Variants in RSPO3 observed in about 807,000 individuals in gnomAD.
RSPO3 encodes the protein R-spondin-3.
A neutral mutation model predicts 36.5 loss-of-function variants in RSPO3; 17 were observed. The observed-to-expected ratio is 0.47, with a 90% CI of 0.32 to 0.70. The LOEUF (loss-of-function observed/expected upper bound fraction) is 0.70, where lower values mean the gene tolerates loss of function less well. RSPO3 is among the 30% of genes least tolerant of loss of function. The pLI is 0.04. For synonymous variants in RSPO3, 108 were observed against 107.0 expected, an observed-to-expected ratio of 1.01 and a Z score of -0.06; for missense variants, 294 against 322.5, an observed-to-expected ratio of 0.91 and a Z score of 0.68.
intron 1 of RSPO3, among the ~76,000 whole-genome samples, chr6:127,124,776 C>A (rs1029051550): frequency 6.6e-6 from 1 of 152,026 alleles, no homozygotes; most frequent in Non-Finnish European, 1.5e-5. Flanking sequence ...TTCTTCAATT[C>A]TGCCCATCAG....
intron 4 of RSPO3, among the ~76,000 whole-genome samples, chr6:127,161,569 ATACT>A (rs1774712055): frequency 6.6e-6 from 1 of 152,138 alleles, no homozygotes; most frequent in Admixed American, 6.6e-5. Flanking sequence ...ACAGTGGGAA[ATACT>A]TAATTGTTAT....
rs1367630724 is a variant in RSPO3 at position 127,197,219 on chromosome 6, T to A, written c.*1212T>A. ...CCACCTTTATCTGAGCCAATGGAGA[T>A]TTACTTATAGCGTATTAGGAGATAT... On this transcript the variant is annotated 3_prime_UTR_variant, in exon 5 of 5. Coordinates refer to ENST00000356698, the MANE Select transcript of RSPO3 (RefSeq NM_032784.5). The A allele has an allele frequency of 3.6e-6, 2 of 561,648 alleles. No homozygotes were observed. Among genetic ancestry groups the A allele is most frequent in the African/African-American group, 3.8e-5 (2 of 53,156 alleles). 34.8% of individuals were successfully genotyped at this position (561,648 alleles called of 1,614,324 possible).
In RSPO3 at chr6:127,158,319, A is replaced by G. The variant is rs1360091661; in HGVS notation, c.634+2881A>G. Among the ~76,000 whole-genome samples the G allele has an allele frequency of 2.6e-5, 4 of 152,222 alleles. No homozygotes were observed. The South Asian group carries it at 6.2e-4, about 24-fold the overall frequency. On this transcript the variant is annotated intron_variant, in intron 4 of 4. Coordinates refer to ENST00000356698, the MANE Select transcript of RSPO3 (RefSeq NM_032784.5). ...TGCTCCCAGATGTTTATGGATTAAT[A>G]AAATAAGAAGATTCCTTTAGGTTCA...
At chr6:127,188,472 T>G (rs1775341695) in intron 4 of RSPO3, among the ~76,000 whole-genome samples, 1 of 151,832 alleles carries the variant, frequency 6.6e-6, no homozygotes. Context: ...TAGTATTAAG[T>G]ATAACAAAAT....
At chr6:127,157,620 A>C (rs902146254) in intron 4 of RSPO3, among the ~76,000 whole-genome samples, 1 of 152,102 alleles carries the variant, frequency 6.6e-6, no homozygotes, top group African/African-American at 2.4e-5. Context: ...TTACAAAGAG[A>C]AGTTTATACA....
chr6:127,190,526 T>C (rs991774996), intron 4 of RSPO3, among the ~76,000 whole-genome samples: 2 of 152,122 alleles, frequency 1.3e-5, no homozygotes, highest in African/African-American at 2.4e-5. Context: ...AATAATAAGA[T>C]CAACCCCTTT....
intron 1 of RSPO3, among the ~76,000 whole-genome samples, chr6:127,121,879 C>A (rs1048376707): frequency 6.6e-6 from 1 of 152,114 alleles, no homozygotes; most frequent in Non-Finnish European, 1.5e-5. Flanking sequence ...CTTCAAGAGA[C>A]AATTAAGTGA....
intron 1 of RSPO3, among the ~76,000 whole-genome samples, 160 bp downstream of exon 1, chr6:127,119,449 T>C (rs1023569246): frequency 9.2e-5 from 14 of 152,306 alleles, no homozygotes; most frequent in Non-Finnish European, 1.8e-4. Context: ...ACGGCGTCTT[T>C]CACCCTTGCC....
At chr6:127,146,226 T>G (rs1774380863) in intron 1 of RSPO3, among the ~76,000 whole-genome samples, 1 of 152,160 alleles carries the variant, frequency 6.6e-6, no homozygotes, top group South Asian at 2.1e-4. Flanking sequence ...TATTGCAAGT[T>G]GGGACAACTA....
At chr6:127,149,544 T>G (rs1346593190) in intron 2 of RSPO3, among the ~76,000 whole-genome samples, 2 of 152,042 alleles carry the variant, frequency 1.3e-5, no homozygotes, top group Non-Finnish European at 2.9e-5. Context: ...TCATTGATGA[T>G]TTTGCTCATA....
chr6:127,132,099 C>T (rs533519054), intron 1 of RSPO3, among the ~76,000 whole-genome samples: 1 of 152,132 alleles, frequency 6.6e-6, no homozygotes, highest in East Asian at 1.9e-4. Flanking sequence ...CAGGAATCTC[C>T]CCTCTCCCCC....
intron 4 of RSPO3, among the ~76,000 whole-genome samples, chr6:127,184,954 A>T (rs1159964757): frequency 6.6e-6 from 1 of 151,882 alleles, no homozygotes; most frequent in Non-Finnish European, 1.5e-5. Context: ...ACACACAAAC[A>T]TACATACACA....
At chr6:127,172,213 A>AATAT (rs879578347) in intron 4 of RSPO3, among the ~76,000 whole-genome samples, 1 of 140,280 alleles carries the variant, frequency 7.1e-6, no homozygotes, top group South Asian at 2.3e-4. Flanking sequence ...TACAGATATA[A>AATAT]ATATATATAT....
intron 1 of RSPO3, among the ~76,000 whole-genome samples, chr6:127,138,024 G>A (rs1246417561): frequency 1.3e-5 from 2 of 152,060 alleles, no homozygotes; most frequent in Non-Finnish European, 2.9e-5. Context: ...TGAAAGTGTG[G>A]TATTTATATC....
chr6:127,126,958 G>A (rs979282908), intron 1 of RSPO3, among the ~76,000 whole-genome samples: 2 of 151,978 alleles, frequency 1.3e-5, no homozygotes, highest in Admixed American at 1.3e-4. Context: ...GCATGGGCAT[G>A]GTATTAGATC....
At position 127,197,687 on chromosome 6, in the gene RSPO3, A is replaced by G; in HGVS notation, c.*1680A>G. The G allele has an allele frequency of 4.0e-6, 3 of 746,750 alleles. No homozygotes were observed. The highest frequency in any genetic ancestry group is 6.1e-6 in the Non-Finnish European group (3 of 488,992). The allele number at this position is 746,750 out of a possible 1,614,324, so 46.3% of individuals were successfully genotyped here. On this transcript the variant is annotated 3_prime_UTR_variant, in exon 5 of 5. Transcript: ENST00000356698. ...GACACCCGTTCTCCACCAGTTGTAC[A>G]GTTCATGTAATCTACTTGGCTTAAT... is the stretch of plus-strand genomic sequence containing the variant.
At chr6:127,119,703 C>T (rs561906824) in intron 1 of RSPO3, 5 of 163,614 alleles carry the variant, frequency 3.1e-5, no homozygotes, top group Admixed American at 1.3e-4. Context: ...GGAGGCGCGG[C>T]CGCGGTACCC....
At chr6:127,157,325 T>C (rs1018489654) in intron 4 of RSPO3, among the ~76,000 whole-genome samples, 1 of 152,092 alleles carries the variant, frequency 6.6e-6, no homozygotes, top group Non-Finnish European at 1.5e-5. Context: ...TTTTAAAATA[T>C]AAATGAAGAA....
intron 4 of RSPO3, among the ~76,000 whole-genome samples, chr6:127,162,975 T>C (rs926498351): frequency 6.6e-6 from 1 of 152,116 alleles, no homozygotes; most frequent in African/African-American, 2.4e-5. Context: ...GGGTTAAAGG[T>C]ACAGCTTGTG....
Sources: gnomAD v4.1 joint callset for allele counts (sites outside exome capture counted in the v4.1 genomes callset) on GRCh38, gnomAD v4.1.1 for gene constraint, MANE v1.5 for transcripts, NCBI Gene and HGNC (gene_info 2026-07-23, HGNC 2026-07-21) for gene names.